CHODL: variants seen among roughly 807,000 people sequenced by gnomAD.
CHODL encodes transmembrane protein MT75.
A neutral mutation model predicts 34.5 loss-of-function variants in CHODL; 29 were observed. That is an observed-to-expected ratio of 0.84 (90% CI 0.63 to 1.15). CHODL has a LOEUF of 1.15. Ranked by LOEUF, CHODL falls within the 50% of genes most tolerant of loss-of-function variation. CHODL has a pLI of 0.00. For missense variants in CHODL, 332 were observed against 332.5 expected (o/e 1.00, Z 0.01); for synonymous variants, 125 against 116.1 (o/e 1.08, Z -0.49).
intron 1 of CHODL, among the ~76,000 whole-genome samples, chr21:17,953,763 G>T (rs1223039995): frequency 1.3e-5 from 2 of 152,150 alleles, no homozygotes; most frequent in Admixed American, 6.5e-5. Flanking sequence ...TGTAATTCCA[G>T]CACTTTGGGA....
At chr21:18,265,656 C>T (rs1237396577) in intron 5 of CHODL, among the ~76,000 whole-genome samples, 1 of 152,090 alleles carries the variant, frequency 6.6e-6, no homozygotes, top group African/African-American at 2.4e-5. Flanking sequence ...ACCACCCGTT[C>T]CCCCATAACC....
intron 1 of CHODL, among the ~76,000 whole-genome samples, chr21:17,948,413 C>T (rs1251928323): frequency 1.3e-5 from 2 of 151,456 alleles, no homozygotes; most frequent in Non-Finnish European, 3.0e-5. Context: ...ATTAAACCCA[C>T]AATTAATAGA....
intron 2 of CHODL, among the ~76,000 whole-genome samples, chr21:18,158,217 A>G (rs977323235): frequency 9.8e-5 from 15 of 152,292 alleles, no homozygotes; most frequent in African/African-American, 3.1e-4. Flanking sequence ...CTGGTATACA[A>G]TAGGTTTTGT....
chr21:18,229,663 A>G (rs11910879), intron 2 of CHODL, among the ~76,000 whole-genome samples: 21,719 of 152,066 alleles, frequency 0.14, 1,941 homozygotes, highest in African/African-American at 0.25. Flanking sequence ...TTGTGGAATA[A>G]TAATACAAAC....
chr21:17,971,195 C>T (rs528028535), intron 1 of CHODL, among the ~76,000 whole-genome samples: 68 of 152,102 alleles, frequency 4.5e-4, no homozygotes, highest in Non-Finnish European at 7.9e-4. Context: ...AATAAACATA[C>T]GTGTGCATAT....
At chr21:18,101,784 C>T (rs1353894071) in intron 2 of CHODL, among the ~76,000 whole-genome samples, 1 of 150,302 alleles carries the variant, frequency 6.7e-6, no homozygotes, top group African/African-American at 2.5e-5. Context: ...TGGTAAAGAG[C>T]ATTAATGAAA....
chr21:18,023,803 A>C (rs284824), intron 1 of CHODL, among the ~76,000 whole-genome samples: 2,876 of 152,316 alleles, frequency 0.019, 99 homozygotes, highest in African/African-American at 0.065. Flanking sequence ...TTTCTCATAC[A>C]GAAAATGTGA....
chr21:18,051,014 G>T (rs2146468229), intron 2 of CHODL, among the ~76,000 whole-genome samples: 1 of 151,670 alleles, frequency 6.6e-6, no homozygotes, highest in East Asian at 2.0e-4. Flanking sequence ...GTGCCATGGT[G>T]GTTTGCTGCA....
At chr21:17,979,561 G>A (rs993388928) in intron 1 of CHODL, among the ~76,000 whole-genome samples, 1 of 152,046 alleles carries the variant, frequency 6.6e-6, no homozygotes, top group East Asian at 1.9e-4. Flanking sequence ...TTGGTTTATT[G>A]TAGCTTTATT....
intron 2 of CHODL, among the ~76,000 whole-genome samples, chr21:18,160,492 A>G (rs2073083740): frequency 6.7e-6 from 1 of 150,166 alleles, no homozygotes; most frequent in Admixed American, 6.7e-5. Context: ...TCCTCCTCCC[A>G]CCCTCCCCCT....
At chr21:17,936,782 T>A (rs1038675683) in intron 1 of CHODL, among the ~76,000 whole-genome samples, 1 of 151,876 alleles carries the variant, frequency 6.6e-6, no homozygotes, top group African/African-American at 2.4e-5. Context: ...CTATTAAAAT[T>A]TTAGAAGGAA....
Position 18,256,505 on chromosome 21 carries a change from TCAGGCC to T in CHODL, c.80-3_82del. On this transcript the variant is annotated splice_acceptor_variant and splice_polypyrimidine_tract_variant and coding_sequence_variant and intron_variant, in exon 2 of 6. Coordinates refer to ENST00000299295, the MANE Select transcript of CHODL (RefSeq NM_024944.3). LOFTEE classifies it high-confidence loss of function. Reference sequence around the variant, plus strand: ...ATATATGGGCATCTTTTTTTTTTTTTCAGGCCAAAAGGTGTGTTTTGCTGACTTCAA... The same window carrying T: ...ATATATGGGCATCTTTTTTTTTTTTTAAAAGGTGTGTTTTGCTGACTTCAA... 1.9e-6 allele frequency: 3 copies of T among 1,575,760 alleles called. No individual in the cohort carries two copies. Among genetic ancestry groups the T allele is most frequent in the African/African-American group, 1.4e-5 (1 of 72,602 alleles).
At chr21:17,942,463 G>A (rs2063373389) in intron 1 of CHODL, among the ~76,000 whole-genome samples, 1 of 152,188 alleles carries the variant, frequency 6.6e-6, no homozygotes, top group Admixed American at 6.5e-5. Context: ...CTTCCACCAG[G>A]ATTGTGAGGC....
At chr21:18,037,557 A>C (rs1323682430) in intron 2 of CHODL, among the ~76,000 whole-genome samples, 2 of 151,876 alleles carry the variant, frequency 1.3e-5, no homozygotes, top group Non-Finnish European at 2.9e-5. Flanking sequence ...TGGAAAGGTA[A>C]CATAATGATA....
intron 1 of CHODL, among the ~76,000 whole-genome samples, chr21:17,917,639 C>T (rs557040357): frequency 6.6e-6 from 1 of 152,228 alleles, no homozygotes; most frequent in Admixed American, 6.5e-5. Flanking sequence ...ACACCCTGAC[C>T]TCACTCTTCT....
intron 1 of CHODL, among the ~76,000 whole-genome samples, chr21:17,982,468 T>C (rs1056902613): frequency 6.6e-6 from 1 of 152,084 alleles, no homozygotes; most frequent in East Asian, 1.9e-4. Flanking sequence ...AAGCATAATA[T>C]TGAGAAGTGA....
intron 1 of CHODL, among the ~76,000 whole-genome samples, chr21:17,973,857 ATTC>A (rs2063639373): frequency 1.3e-5 from 2 of 151,560 alleles, no homozygotes; most frequent in Non-Finnish European, 2.9e-5. Flanking sequence ...TAGTAACACT[ATTC>A]TTTTTATTTT....
upstream of CHODL, among the ~76,000 whole-genome samples, chr21:18,241,956 GAGCTCCTT>G (rs2074086462): frequency 6.6e-6 from 1 of 151,710 alleles, no homozygotes; most frequent in Admixed American, 6.6e-5. Context: ...AATAGATGCT[GAGCTCCTT>G]AGCCTAATCA....
chr21:17,994,610 G>A (rs555654786), intron 1 of CHODL, among the ~76,000 whole-genome samples: 1 of 152,266 alleles, frequency 6.6e-6, no homozygotes, highest in African/African-American at 2.4e-5. Context: ...CGTGGAGGTT[G>A]TGTGTGTATG....
Sources: gnomAD v4.1 joint callset for allele counts (sites outside exome capture counted in the v4.1 genomes callset) on GRCh38, gnomAD v4.1.1 for gene constraint, MANE v1.5 for transcripts, NCBI Gene and HGNC (gene_info 2026-07-23, HGNC 2026-07-21) for gene names.